Variants in SUGCT observed in about 807,000 individuals in gnomAD.
The protein encoded by SUGCT is succinyl-CoA:glutarate-CoA transferase, also known as succinyl-CoA:glutarate CoA-transferase.
Under a neutral mutation model 55.0 loss-of-function variants are expected in SUGCT, and 41 were observed. That is an observed-to-expected ratio of 0.74 (90% CI 0.58 to 0.97). SUGCT has a LOEUF of 0.97. Among genes scored for constraint, SUGCT ranks in the 50% least tolerant of loss-of-function variants. The pLI is 0.00. For missense variants in SUGCT, 568 were observed against 547.8 expected (o/e 1.04, Z -0.37); for synonymous variants, 187 against 200.4 (o/e 0.93, Z 0.56).
intron 12 of SUGCT, among the ~76,000 whole-genome samples, chr7:40,545,219 G>A (rs1794926390): frequency 6.6e-6 from 1 of 152,168 alleles, no homozygotes; most frequent in South Asian, 2.1e-4. Context: ...TCAACTGATA[G>A]CATGGACTGA....
chr7:40,219,628 G>A (rs1283705802), intron 6 of SUGCT, among the ~76,000 whole-genome samples: 2 of 152,020 alleles, frequency 1.3e-5, no homozygotes, highest in African/African-American at 4.8e-5. Context: ...TTGAAGGATA[G>A]GCCTCTCTCC....
At chr7:40,928,587 G>A in the SUGCT span, among the ~76,000 whole-genome samples, 1 of 150,544 alleles carries the variant, frequency 6.6e-6, no homozygotes, top group Non-Finnish European at 1.5e-5. Context: ...GTTTCTTTGA[G>A]GACAGTAAAA....
At chr7:40,439,012 T>TTG (rs1203647358) in intron 9 of SUGCT, among the ~76,000 whole-genome samples, 2 of 138,814 alleles carry the variant, frequency 1.4e-5, no homozygotes, top group African/African-American at 5.3e-5. Flanking sequence ...TATGTAGAAA[T>TTG]TGTGTGTGTG....
intron 7 of SUGCT, among the ~76,000 whole-genome samples, chr7:40,267,842 A>G (rs1239489877): frequency 1.3e-5 from 2 of 152,218 alleles, no homozygotes; most frequent in Non-Finnish European, 2.9e-5. Context: ...GAATATATTT[A>G]TAAGACATTT....
the SUGCT span, among the ~76,000 whole-genome samples, chr7:40,972,512 A>G: frequency 1.3e-5 from 2 of 152,188 alleles, no homozygotes; most frequent in Non-Finnish European, 1.5e-5. Context: ...CAGTGGGCCC[A>G]GAGGGACACT....
At chr7:40,900,578 C>T in the SUGCT span, among the ~76,000 whole-genome samples, 29 of 152,206 alleles carry the variant, frequency 1.9e-4, no homozygotes. Context: ...GTTTGTCAAA[C>T]GCATCGTCTG....
chr7:40,323,586 T>A (rs1795859656), intron 9 of SUGCT, among the ~76,000 whole-genome samples: 1 of 152,008 alleles, frequency 6.6e-6, no homozygotes, highest in South Asian at 2.1e-4. Context: ...AGAGACAGGG[T>A]CTCATCATCT....
At chr7:40,909,758 G>T in the SUGCT span, among the ~76,000 whole-genome samples, 1 of 152,180 alleles carries the variant, frequency 6.6e-6, no homozygotes, top group Non-Finnish European at 1.5e-5. Flanking sequence ...CGGCTCCAAG[G>T]TTATGAGGTA....
intron 12 of SUGCT, among the ~76,000 whole-genome samples, chr7:40,693,177 T>G (rs750914130): frequency 7.2e-5 from 11 of 152,324 alleles, no homozygotes; most frequent in Middle Eastern, 3.4e-3. Context: ...CATTATTTTG[T>G]GAGTGATTAT....
chr7:40,357,158 C>T (rs999326659), intron 9 of SUGCT, among the ~76,000 whole-genome samples: 3 of 152,020 alleles, frequency 2.0e-5, no homozygotes, highest in Non-Finnish European at 2.9e-5. Flanking sequence ...TGATGAAATT[C>T]TGCTGTTTTA....
chr7:40,865,799 C>T, the SUGCT span, among the ~76,000 whole-genome samples: 1 of 152,162 alleles, frequency 6.6e-6, no homozygotes, highest in Non-Finnish European at 1.5e-5. Context: ...AATAGTTTGT[C>T]CCTGGCCATT....
At chr7:40,166,341 T>C (rs1042414568) in intron 1 of SUGCT, among the ~76,000 whole-genome samples, 1 of 152,188 alleles carries the variant, frequency 6.6e-6, no homozygotes, top group African/African-American at 2.4e-5. Flanking sequence ...GCAGTCTGAC[T>C]TTTAATGATT....
chr7:40,448,961 T>TATATAGAG (rs1317265694), intron 9 of SUGCT, among the ~76,000 whole-genome samples: 8 of 144,166 alleles, frequency 5.5e-5, no homozygotes, highest in Non-Finnish European at 7.6e-5. Flanking sequence ...TATATATATA[T>TATATAGAG]AGAGAGAGAG....
intron 13 of SUGCT, among the ~76,000 whole-genome samples, chr7:40,819,995 G>A (rs1791894466): frequency 6.6e-6 from 1 of 152,056 alleles, no homozygotes; most frequent in East Asian, 1.9e-4. Flanking sequence ...AGTTTTCCCA[G>A]CACCATTTAT....
At chr7:40,479,628 A>G (rs926943183) in intron 11 of SUGCT, among the ~76,000 whole-genome samples, 1 of 152,148 alleles carries the variant, frequency 6.6e-6, no homozygotes, top group African/African-American at 2.4e-5. Context: ...GGCTGTACCA[A>G]TTTACATTCC....
chr7:40,611,545 G>A (rs1292487876), intron 12 of SUGCT, among the ~76,000 whole-genome samples: 3 of 152,136 alleles, frequency 2.0e-5, no homozygotes, highest in Admixed American at 6.5e-5. Context: ...TCTACACCAT[G>A]TGCCCCATTT....
chr7:40,851,132 T>C (rs1793829613), intron 13 of SUGCT, among the ~76,000 whole-genome samples: 1 of 152,168 alleles, frequency 6.6e-6, no homozygotes, highest in Non-Finnish European at 1.5e-5. Context: ...AGCCAGGATG[T>C]GAACCTAGAC....
chr7:40,421,986 G>A lies in SUGCT; in HGVS notation c.817-27301G>A, dbSNP rs191135417. 5.3e-5 allele frequency among the ~76,000 whole-genome samples: 8 copies of A among 151,968 alleles called. No homozygotes were observed. In the East Asian group the frequency reaches 1.2e-3, roughly 22 times the overall value. ...GACATTAGTGATGTTTTGGTGATCC[G>A]GTGTCTAACATTTTCCCTCTAATGT... On this transcript the variant is annotated intron_variant, in intron 9 of 13. Transcript: ENST00000335693.
At chr7:40,705,176 T>G (rs1785340293) in intron 12 of SUGCT, among the ~76,000 whole-genome samples, 1 of 152,204 alleles carries the variant, frequency 6.6e-6, no homozygotes, top group Non-Finnish European at 1.5e-5. Context: ...TATTTTGAGT[T>G]TTTATTTTTG....
Sources: allele counts gnomAD v4.1 joint callset (sites outside exome capture counted in the v4.1 genomes callset), GRCh38; gene constraint gnomAD v4.1.1; transcripts MANE v1.5; gene names NCBI Gene and HGNC (gene_info 2026-07-23, HGNC 2026-07-21).